The following LUZP2 variants were observed in gnomAD, a reference collection of about 807,000 sequenced individuals.
The protein encoded by LUZP2 is leucine zipper protein 2.
LUZP2 carries 52 observed loss-of-function variants against 51.6 expected under a neutral mutation model. That is an observed-to-expected ratio of 1.01 (90% CI 0.81 to 1.27). The LOEUF is 1.27. Among genes scored for constraint, LUZP2 ranks in the 50% most tolerant of loss-of-function variants. The pLI is 0.00. For synonymous variants in LUZP2, 154 were observed against 137.3 expected, an observed-to-expected ratio of 1.12 and a Z score of -0.85; for missense variants, 436 against 395.4, an observed-to-expected ratio of 1.10 and a Z score of -0.87.
intron 1 of LUZP2, among the ~76,000 whole-genome samples, chr11:24,707,276 ATC>A (rs148639231): frequency 2.2e-4 from 33 of 147,120 alleles, no homozygotes; most frequent in East Asian, 4.1e-4. Flanking sequence ...CACTCTTTCT[ATC>A]TCTCTCTCTC....
chr11:25,005,152 C>T lies in LUZP2; in HGVS notation c.765+21859C>T, dbSNP rs185825587. Among the ~76,000 whole-genome samples the T allele has an allele frequency of 1.7e-4, 26 of 152,124 alleles. No individual in the cohort carries two copies. In the East Asian group the frequency reaches 2.1e-3, roughly 13 times the overall value. On this transcript the variant is annotated intron_variant, in intron 9 of 11. Transcript: ENST00000336930. ...ACAGCTTGAAGGGGGAACTGATAGC[C>T]GGGTGGATTTTGTGGTCCTTTGGAG...
At chr11:24,719,538 C>T (rs1295531764) in intron 1 of LUZP2, among the ~76,000 whole-genome samples, 1 of 152,152 alleles carries the variant, frequency 6.6e-6, no homozygotes, top group Non-Finnish European at 1.5e-5. Context: ...CTCAACTGGC[C>T]AATCTCTGAG....
intron 1 of LUZP2, among the ~76,000 whole-genome samples, chr11:24,660,462 T>C (rs1855980142): frequency 6.6e-6 from 1 of 152,124 alleles, no homozygotes; most frequent in African/African-American, 2.4e-5. Flanking sequence ...CTAGCATTTT[T>C]GATGGAAAAA....
intron 7 of LUZP2, among the ~76,000 whole-genome samples, chr11:24,917,252 G>C (rs1853819823): frequency 6.6e-6 from 1 of 152,080 alleles, no homozygotes; most frequent in Non-Finnish European, 1.5e-5. Context: ...CAGATGAGTA[G>C]ATTGCAAAAA....
rs115461326 is a variant in LUZP2, at chr11:24,540,934, A to T, written c.62+43629A>T. 1.0e-2 allele frequency among the ~76,000 whole-genome samples: 1,517 copies of T among 152,246 alleles called. 23 individuals carry two copies. Among genetic ancestry groups the T allele is most frequent in the African/African-American group, 0.035 (1,440 of 41,556 alleles). On this transcript the variant is annotated intron_variant, in intron 1 of 11. Transcript: ENST00000336930. The stretch of plus-strand genomic sequence containing the variant: ...AAATAATTGCTTAGCTATTCCAAAG[A>T]TGTAAACGTGACACTTTAAGAAATG...
chr11:24,683,994 T>C (rs1050031954), intron 1 of LUZP2, among the ~76,000 whole-genome samples: 1 of 152,212 alleles, frequency 6.6e-6, no homozygotes, highest in Non-Finnish European at 1.5e-5. Context: ...TTGCCTGATA[T>C]ATGTTCTATA....
At chr11:24,768,423 A>T (rs993639239) in intron 5 of LUZP2, among the ~76,000 whole-genome samples, 4 of 152,188 alleles carry the variant, frequency 2.6e-5, no homozygotes, top group South Asian at 2.1e-4. Flanking sequence ...ATTTTTAAAT[A>T]AAGGTGTTAG....
chr11:25,003,093 C>A (rs562493416), intron 9 of LUZP2, among the ~76,000 whole-genome samples: 1 of 152,296 alleles, frequency 6.6e-6, no homozygotes, highest in African/African-American at 2.4e-5. Flanking sequence ...CAAAGCTGGG[C>A]CTTCAACCTA....
At chr11:24,820,337 TTTAAGGAA>T (rs1850321006) in intron 5 of LUZP2, among the ~76,000 whole-genome samples, 2 of 152,064 alleles carry the variant, frequency 1.3e-5, no homozygotes, top group South Asian at 4.1e-4. Flanking sequence ...CCATGTCACT[TTTAAGGAA>T]GCAATGAGGA....
intron 10 of LUZP2, among the ~76,000 whole-genome samples, chr11:25,072,699 T>A (rs958486072): frequency 6.6e-6 from 1 of 152,076 alleles, no homozygotes; most frequent in African/African-American, 2.4e-5. Flanking sequence ...AGAGGTTTTA[T>A]TTAAGAATTA....
chr11:24,589,024 T>C (rs1050270584), intron 1 of LUZP2, among the ~76,000 whole-genome samples: 3 of 152,094 alleles, frequency 2.0e-5, no homozygotes. Context: ...ACGTCAATTA[T>C]CAGTTTGGTA....
Position 24,732,136 on chromosome 11 carries a change from C to T in LUZP2, c.199C>T (p.Gln67Ter), listed in dbSNP as rs1426419284. The stretch of plus-strand genomic sequence containing the variant: ...TTATCAGTCCTTAAAAAACGATGAG[C>T]AGTCTGCCAAAACTGATGTTCAGAA... ...VNLQSLKNDE[Q>*]SAKTDVQKLL... Residue 67 changes from glutamine to a stop codon, truncating the protein, a stop_gained, in exon 3 of 12, where the codon CAG (glutamine) becomes TAG (stop). Transcript: ENST00000336930. LOFTEE classifies it high-confidence loss of function. 1 of 1,608,928 alleles carries T rather than the reference C, an allele frequency of 6.2e-7. No individual in the cohort carries two copies. The highest frequency in any genetic ancestry group is 8.5e-7 in the Non-Finnish European group (1 of 1,176,866).
intron 1 of LUZP2, among the ~76,000 whole-genome samples, chr11:24,677,484 A>G (rs1213794853): frequency 1.3e-5 from 2 of 152,148 alleles, no homozygotes; most frequent in Non-Finnish European, 2.9e-5. Flanking sequence ...AGCTTTTCAC[A>G]TATTCTTCTC....
At position 24,788,180 on chromosome 11, in the gene LUZP2, ATTTTTTT is replaced by A. The variant is rs61308017; in HGVS notation, c.396+24891_396+24897del. Among the ~76,000 whole-genome samples the A allele has an allele frequency of 9.9e-3, 830 of 83,436 alleles. 7 individuals are homozygous for A. The highest frequency in any genetic ancestry group is 0.033 in the African/African-American group (741 of 22,788). The allele number at this position is 83,436 out of a possible 152,430, so 54.7% of individuals were successfully genotyped here. ...AGATGCCTATTTCTTTTTGTTTTTA[ATTTTTTT>A]TTTTTTTTTTTTTTTTTTCTGAGAC... On this transcript the variant is annotated intron_variant, in intron 5 of 11. Transcript: ENST00000336930.
At chr11:25,045,794 CTTGT>C (rs1248463528) in intron 9 of LUZP2, among the ~76,000 whole-genome samples, 1 of 115,220 alleles carries the variant, frequency 8.7e-6, no homozygotes, top group African/African-American at 3.1e-5. Flanking sequence ...TATCTCAGAA[CTTGT>C]TTGTCAGTTT....
intron 9 of LUZP2, among the ~76,000 whole-genome samples, chr11:25,006,554 G>A (rs529510336): frequency 1.2e-4 from 18 of 152,246 alleles, no homozygotes; most frequent in African/African-American, 2.9e-4. Flanking sequence ...CCTGACACCC[G>A]TGTCTTTAGT....
At chr11:24,738,741 C>T (rs1015697436) in intron 4 of LUZP2, among the ~76,000 whole-genome samples, 3 of 151,942 alleles carry the variant, frequency 2.0e-5, no homozygotes, top group African/African-American at 7.2e-5. Context: ...AATGCATCCC[C>T]AAAGTTGATG....
intron 9 of LUZP2, among the ~76,000 whole-genome samples, chr11:25,032,344 A>T (rs1266290296): frequency 6.6e-6 from 1 of 152,194 alleles, no homozygotes; most frequent in East Asian, 1.9e-4. Context: ...CTGGTATGAC[A>T]ACAAATTTAG....
At chr11:24,926,322 T>TGTGTGTATATATATAC (rs1854243189) in intron 7 of LUZP2, among the ~76,000 whole-genome samples, 1 of 106,812 alleles carries the variant, frequency 9.4e-6, no homozygotes, top group African/African-American at 4.5e-5. Flanking sequence ...TATATATACG[T>TGTGTGTATATATATAC]GTGTGTATAT....
Sources: gnomAD v4.1 joint callset for allele counts (sites outside exome capture counted in the v4.1 genomes callset) on GRCh38, gnomAD v4.1.1 for gene constraint, MANE v1.5 for transcripts, NCBI Gene and HGNC (gene_info 2026-07-23, HGNC 2026-07-21) for gene names.